The following NPSR1 variants were observed in gnomAD, a reference collection of about 807,000 sequenced individuals.
The protein encoded by NPSR1 is neuropeptide S receptor 1.
In NPSR1, 48 loss-of-function variants were observed where a neutral mutation model predicts 46.9. The ratio of observed to expected loss-of-function variants is 1.02; its 90% CI spans 0.81 to 1.30. The LOEUF (loss-of-function observed/expected upper bound fraction) is 1.30. NPSR1 is among the 50% of genes most tolerant of loss of function. NPSR1 has a pLI of 0.00. For synonymous variants in NPSR1, 176 were observed against 168.1 expected (o/e 1.05, Z -0.36); for missense variants, 450 against 449.5 (o/e 1.00, Z -0.01).
chr7:34,827,992 A>T (rs6953479), intron 5 of NPSR1, among the ~76,000 whole-genome samples: 1,671 of 152,326 alleles, frequency 0.011, 30 homozygotes, highest in African/African-American at 0.038. Flanking sequence ...AAATCATACC[A>T]TATTATTTCT....
intron 2 of NPSR1, among the ~76,000 whole-genome samples, chr7:34,698,095 A>G (rs1041395434): frequency 2.6e-5 from 4 of 152,200 alleles, no homozygotes; most frequent in African/African-American, 7.2e-5. Flanking sequence ...ATGCAGCTAC[A>G]TATGTGTATC....
intron 1 of NPSR1, among the ~76,000 whole-genome samples, chr7:34,661,728 C>T (rs1791461794): frequency 6.6e-6 from 1 of 152,168 alleles, no homozygotes; most frequent in Non-Finnish European, 1.5e-5. Context: ...GTAACTAACC[C>T]TACGTGGTCT....
chr7:34,858,004 T>C (rs1311473998), intron 8 of NPSR1, among the ~76,000 whole-genome samples: 2 of 151,904 alleles, frequency 1.3e-5, no homozygotes, highest in Non-Finnish European at 2.9e-5. Context: ...TATATGAGTA[T>C]GCATATTGGC....
At chr7:34,841,579 A>T (rs1790567538) in intron 6 of NPSR1, among the ~76,000 whole-genome samples, 2 of 152,180 alleles carry the variant, frequency 1.3e-5, no homozygotes, top group Non-Finnish European at 2.9e-5. Flanking sequence ...TAATCCTTTT[A>T]TCTCCCAATA....
intron 1 of NPSR1, among the ~76,000 whole-genome samples, chr7:34,678,571 A>C (rs1792447360): frequency 6.6e-6 from 1 of 152,118 alleles, no homozygotes; most frequent in African/African-American, 2.4e-5. Context: ...TCACATCTGT[A>C]ATCTCAGCAC....
intron 7 of NPSR1, among the ~76,000 whole-genome samples, chr7:34,847,954 G>A (rs1447651999): frequency 5.9e-5 from 9 of 152,304 alleles, no homozygotes; most frequent in South Asian, 4.1e-4. Context: ...CATAGTGTGG[G>A]TGTTTTCTGG....
chr7:34,812,046 T>C (rs565402643), intron 4 of NPSR1, among the ~76,000 whole-genome samples, 183 bp downstream of exon 4: 3 of 152,284 alleles, frequency 2.0e-5, no homozygotes, highest in Non-Finnish European at 4.4e-5. Flanking sequence ...TCTAAAAAGA[T>C]GTACAAAAGA....
intron 3 of NPSR1, among the ~76,000 whole-genome samples, chr7:34,790,802 TTA>T (rs1461522645): frequency 8.7e-6 from 1 of 114,516 alleles, no homozygotes; most frequent in East Asian, 2.9e-4. Context: ...ATGTTATAGG[TTA>T]TATGTTATAT....
At chr7:34,874,041 CTTGAAAGAGGAGA>C (rs1189195504) in intron 8 of NPSR1, among the ~76,000 whole-genome samples, 1 of 151,630 alleles carries the variant, frequency 6.6e-6, no homozygotes, top group Non-Finnish European at 1.5e-5. Context: ...ACAGTCTTCT[CTTGAAAGAGGAGA>C]AGACTGAGGC....
intron 8 of NPSR1, among the ~76,000 whole-genome samples, chr7:34,870,993 G>C (rs774524303): frequency 1.6e-4 from 25 of 151,758 alleles, no homozygotes; most frequent in Non-Finnish European, 2.9e-4. Context: ...TCTGAAAGCA[G>C]AAGTTGTGAA....
intron 8 of NPSR1, among the ~76,000 whole-genome samples, chr7:34,861,234 G>T (rs957121727): frequency 2.6e-5 from 4 of 151,902 alleles, no homozygotes; most frequent in African/African-American, 9.7e-5. Flanking sequence ...ATTTGCCAGG[G>T]TTCTGAGTTT....
intron 2 of NPSR1, among the ~76,000 whole-genome samples, chr7:34,735,607 GGCTTATGAAAAGTAGT>G (rs1784631964): frequency 6.6e-6 from 1 of 152,126 alleles, no homozygotes; most frequent in South Asian, 2.1e-4. Context: ...AACAGAATGG[GGCTTATGAAAAGTAGT>G]GCTTGATTAG....
chr7:34,724,662 A>C (rs1034260129), intron 2 of NPSR1, among the ~76,000 whole-genome samples: 1 of 152,162 alleles, frequency 6.6e-6, no homozygotes, highest in African/African-American at 2.4e-5. Context: ...GGAGTCACAG[A>C]ATTTGGGGTA....
At chr7:34,787,557 C>G (rs1384648244) in intron 3 of NPSR1, among the ~76,000 whole-genome samples, 1 of 152,110 alleles carries the variant, frequency 6.6e-6, no homozygotes, top group African/African-American at 2.4e-5. Flanking sequence ...TTTGGTCTAT[C>G]TTGGTTTCTG....
At chr7:34,769,062 A>G (rs948392069) in intron 2 of NPSR1, among the ~76,000 whole-genome samples, 1 of 152,152 alleles carries the variant, frequency 6.6e-6, no homozygotes, top group Non-Finnish European at 1.5e-5. Context: ...TAATGTTATT[A>G]TTGATGTGTT....
chr7:34,743,654 G>A (rs1254946624), intron 2 of NPSR1, among the ~76,000 whole-genome samples: 1 of 152,074 alleles, frequency 6.6e-6, no homozygotes, highest in Non-Finnish European at 1.5e-5. Flanking sequence ...TGGCCAGGCT[G>A]GTCTTGAACT....
intron 2 of NPSR1, among the ~76,000 whole-genome samples, chr7:34,736,431 T>G (rs1389994888): frequency 6.6e-6 from 1 of 151,984 alleles, no homozygotes; most frequent in Non-Finnish European, 1.5e-5. Flanking sequence ...ATCCTCAACT[T>G]CCTTCACCCT....
chr7:34,658,489 G>A lies in NPSR1; in HGVS notation c.77G>A (p.Cys26Tyr). Residue 26 changes from cysteine to tyrosine, a missense_variant, in exon 1 of 9, where the codon TGC (cysteine) becomes TAC (tyrosine). Cys to Tyr is a radical substitution (Grantham distance 194, BLOSUM62 -2). Transcript: ENST00000360581. Reference protein sequence around the residue: ...GQTLDSSPVACTETVTFTEVV... With the variant: ...GQTLDSSPVAYTETVTFTEVV... ...ACGCTGGATTCTTCCCCAGTGGCTT[G>A]CACTGAAACAGTGACTTTTACTGAA... 1 of 1,614,150 alleles carries A rather than the reference G, an allele frequency of 6.2e-7. No individual in the cohort carries two copies. The highest frequency in any genetic ancestry group is 2.2e-5 in the East Asian group (1 of 44,870).
intron 2 of NPSR1, among the ~76,000 whole-genome samples, chr7:34,746,057 C>T (rs1785190132): frequency 6.6e-6 from 1 of 152,180 alleles, no homozygotes; most frequent in Non-Finnish European, 1.5e-5. Context: ...AGACTACACA[C>T]TCAGAACCAC....
Sources: gnomAD v4.1 joint callset for allele counts (sites outside exome capture counted in the v4.1 genomes callset) on GRCh38, gnomAD v4.1.1 for gene constraint, MANE v1.5 for transcripts, NCBI Gene and HGNC (gene_info 2026-07-23, HGNC 2026-07-21) for gene names.